Variants in CPED1 observed in about 807,000 individuals in gnomAD.
CPED1 encodes cadherin like and PC-esterase domain containing 1, also known as cadherin-like and PC-esterase domain-containing protein 1.
Under a neutral mutation model 128.2 loss-of-function variants are expected in CPED1, and 114 were observed. That is an observed-to-expected ratio of 0.89 (90% CI 0.76 to 1.04). The LOEUF (loss-of-function observed/expected upper bound fraction) is 1.04. CPED1 is among the 50% of genes least tolerant of loss of function. CPED1 has a pLI of 0.00. For missense variants in CPED1, 1,211 were observed against 1,207.1 expected (o/e 1.00, Z -0.05); for synonymous variants, 462 against 426.7 (o/e 1.08, Z -1.02).
At chr7:121,092,686 AGTT>A (rs1400906533) in intron 5 of CPED1, among the ~76,000 whole-genome samples, 3 of 152,094 alleles carry the variant, frequency 2.0e-5, no homozygotes, top group Non-Finnish European at 4.4e-5. Context: ...CTCAAATAGT[AGTT>A]AGGGGGTAGG....
intron 5 of CPED1, among the ~76,000 whole-genome samples, chr7:121,085,307 C>T (rs1354942089): frequency 2.0e-5 from 3 of 152,182 alleles, no homozygotes; most frequent in Admixed American, 6.5e-5. Flanking sequence ...GTGTACATCC[C>T]ACTGTACTAG....
intron 16 of CPED1, among the ~76,000 whole-genome samples, chr7:121,179,575 A>G (rs1251926256): frequency 2.6e-5 from 4 of 152,088 alleles, no homozygotes; most frequent in African/African-American, 9.7e-5. Flanking sequence ...TAAGCCTTTA[A>G]TTATGAAAAT....
intron 16 of CPED1, among the ~76,000 whole-genome samples, chr7:121,203,054 A>G (rs1797435679): frequency 6.6e-6 from 1 of 152,094 alleles, no homozygotes; most frequent in Non-Finnish European, 1.5e-5. Context: ...CCCATGATAA[A>G]TAAATATGAC....
In CPED1 at chr7:121,256,582, A is replaced by T. The variant is rs145423410; in HGVS notation, c.2311-9645A>T. On this transcript the variant is annotated intron_variant, in intron 18 of 22. Coordinates refer to ENST00000310396, the MANE Select transcript of CPED1 (RefSeq NM_024913.5). ...CTGGAGAGGCTGCAGAGCAAAAAGAACACTTATACACTGTTGGTGGGAATG... is the reference window on the plus strand; with the variant it reads ...CTGGAGAGGCTGCAGAGCAAAAAGATCACTTATACACTGTTGGTGGGAATG... 7.1e-3 allele frequency among the ~76,000 whole-genome samples: 1,076 copies of T among 152,246 alleles called. 13 individuals carry two copies. The highest frequency in any genetic ancestry group is 0.025 in the African/African-American group (1,033 of 41,564).
intron 3 of CPED1, among the ~76,000 whole-genome samples, chr7:121,017,318 A>G (rs1353896567): frequency 1.3e-5 from 2 of 152,218 alleles, no homozygotes; most frequent in Non-Finnish European, 2.9e-5. Context: ...GAGATCTGAA[A>G]AGAAACTTTG....
intron 21 of CPED1, among the ~76,000 whole-genome samples, chr7:121,268,902 A>G (rs2691034): frequency 0.37 from 55,393 of 151,738 alleles, 12,816 homozygotes; most frequent in African/African-American, 0.66. Flanking sequence ...TGCTCCTACC[A>G]TGAGCTCCTG....
chr7:121,224,095 T>A (rs1362814639), intron 16 of CPED1, among the ~76,000 whole-genome samples: 1 of 152,186 alleles, frequency 6.6e-6, no homozygotes, highest in Non-Finnish European at 1.5e-5. Context: ...TTTGGGCATT[T>A]AGTGCTATAA....
In CPED1 at chr7:121,208,279, A is replaced by G. The variant is rs184777209; in HGVS notation, c.2056-28435A>G. Among the ~76,000 whole-genome samples, 70 of 152,174 alleles carry G rather than the reference A, an allele frequency of 4.6e-4. 3 individuals carry two copies. In the East Asian group the frequency reaches 0.013, roughly 29 times the overall value. ...TAGTATGCATACGAAACATAGTACT[A>G]ATACCAGATAAATTCCTCAAGCTCT... On this transcript the variant is annotated intron_variant, in intron 16 of 22. Transcript: ENST00000310396.
intron 5 of CPED1, among the ~76,000 whole-genome samples, chr7:121,088,794 T>TAAAAAAAAA (rs1794508617): frequency 2.0e-4 from 11 of 54,758 alleles, no homozygotes; most frequent in African/African-American, 6.6e-4. Context: ...AAAAAAAAAT[T>TAAAAAAAAA]GAAAGTGTAA....
At chr7:121,160,799 A>T (rs1048059168) in intron 16 of CPED1, among the ~76,000 whole-genome samples, 1 of 152,114 alleles carries the variant, frequency 6.6e-6, no homozygotes, top group African/African-American at 2.4e-5. Flanking sequence ...TAGGCTTCTC[A>T]GGGACCCAGC....
At chr7:121,016,612 G>A (rs1217372520) in intron 3 of CPED1, among the ~76,000 whole-genome samples, 1 of 152,132 alleles carries the variant, frequency 6.6e-6, no homozygotes, top group East Asian at 1.9e-4. Flanking sequence ...TCTTACATCT[G>A]GTGTGAGGGA....
intron 5 of CPED1, among the ~76,000 whole-genome samples, chr7:121,090,603 A>G (rs753896023): frequency 6.6e-5 from 10 of 152,200 alleles, no homozygotes; most frequent in Admixed American, 1.3e-4. Context: ...ATTCTCTCAA[A>G]GATACTCTGG....
chr7:121,203,843 A>G (rs1024196126), intron 16 of CPED1, among the ~76,000 whole-genome samples: 3 of 152,122 alleles, frequency 2.0e-5, no homozygotes, highest in African/African-American at 7.2e-5. Context: ...AGAAGAATAA[A>G]GAAAGAAAAA....
At chr7:121,202,945 C>T (rs941646408) in intron 16 of CPED1, among the ~76,000 whole-genome samples, 5 of 152,198 alleles carry the variant, frequency 3.3e-5, no homozygotes, top group Admixed American at 1.3e-4. Flanking sequence ...GGTGGTTCAC[C>T]GAGTGCCTTT....
At chr7:121,198,015 G>A (rs1050455292) in intron 16 of CPED1, among the ~76,000 whole-genome samples, 2 of 152,136 alleles carry the variant, frequency 1.3e-5, no homozygotes, top group Non-Finnish European at 2.9e-5. Context: ...TCAGAAATGT[G>A]TTTCAAAGTT....
At chr7:121,162,732 C>T (rs1796439521) in intron 16 of CPED1, among the ~76,000 whole-genome samples, 1 of 152,144 alleles carries the variant, frequency 6.6e-6, no homozygotes, top group African/African-American at 2.4e-5. Flanking sequence ...TAGTTGTTAC[C>T]TCACCCTCAG....
intron 5 of CPED1, among the ~76,000 whole-genome samples, chr7:121,090,356 G>C (rs1563021769): frequency 6.6e-6 from 1 of 152,138 alleles, no homozygotes; most frequent in East Asian, 1.9e-4. Context: ...GAAAGTTACT[G>C]TTTTTCTGCC....
At chr7:121,129,279 GTATATA>G in intron 11 of CPED1, among the ~76,000 whole-genome samples, 1 of 88,698 alleles carries the variant, frequency 1.1e-5, no homozygotes, top group South Asian at 4.4e-4. Flanking sequence ...ATGTGTGTGT[GTATATA>G]TGTATATATA....
At position 121,140,866 on chromosome 7, in the gene CPED1, A is replaced by G; in HGVS notation, c.1739A>G (p.His580Arg). 3.1e-6 allele frequency: 5 copies of G among 1,612,584 alleles called. No homozygotes were observed. Among genetic ancestry groups the G allele is most frequent in the Non-Finnish European group, 4.2e-6 (5 of 1,179,120 alleles). Residue 580 changes from histidine (H) to arginine (R), a missense_variant, in exon 15 of 23, where the codon CAT becomes CGT. Coordinates refer to ENST00000310396, the MANE Select transcript of CPED1 (RefSeq NM_024913.5). ...TPCHIKQIFT[H>R]PHLELNPDFH... The stretch of plus-strand genomic sequence containing the variant: ...TGTCATATCAAGCAGATCTTCACAC[A>G]TCCACATTTGGAACTAAATCCTGAC...
Sources: allele counts gnomAD v4.1 joint callset (sites outside exome capture counted in the v4.1 genomes callset), GRCh38; gene constraint gnomAD v4.1.1; transcripts MANE v1.5; gene names NCBI Gene and HGNC (gene_info 2026-07-23, HGNC 2026-07-21).